Variants in SPATA16 observed in about 807,000 individuals in gnomAD.
SPATA16 encodes the protein spermatogenesis-associated protein 16.
A neutral mutation model predicts 63.3 loss-of-function variants in SPATA16; 36 were observed. The ratio of observed to expected loss-of-function variants is 0.57; its 90% CI spans 0.44 to 0.75. The LOEUF (loss-of-function observed/expected upper bound fraction) is 0.75, where lower values mean the gene tolerates loss of function less well. Among genes scored for constraint, SPATA16 ranks in the 30% least tolerant of loss-of-function variants. The pLI is 0.00. For synonymous variants in SPATA16, 203 were observed against 216.7 expected, an observed-to-expected ratio of 0.94 and a Z score of 0.56; for missense variants, 646 against 679.3, an observed-to-expected ratio of 0.95 and a Z score of 0.54.
intron 3 of SPATA16, among the ~76,000 whole-genome samples, chr3:173,027,919 T>C (rs1735488643): frequency 1.3e-5 from 2 of 151,184 alleles, no homozygotes; most frequent in Non-Finnish European, 1.5e-5. Context: ...CTACCCCAGG[T>C]ACTTTAGACT....
At chr3:172,934,977 G>C (rs1732947438) in intron 6 of SPATA16, among the ~76,000 whole-genome samples, 1 of 151,990 alleles carries the variant, frequency 6.6e-6, no homozygotes, top group Non-Finnish European at 1.5e-5. Flanking sequence ...TACGGCTTTG[G>C]AACTTTAGGA....
At chr3:172,972,330 A>G (rs552534009) in intron 5 of SPATA16, among the ~76,000 whole-genome samples, 6 of 152,154 alleles carry the variant, frequency 3.9e-5, no homozygotes, top group Non-Finnish European at 8.8e-5. Flanking sequence ...AACAATCTCA[A>G]AAGAGGTCTT....
chr3:173,054,362 C>G (rs952729267), intron 2 of SPATA16, among the ~76,000 whole-genome samples: 6 of 152,194 alleles, frequency 3.9e-5, no homozygotes, highest in Admixed American at 2.0e-4. Context: ...CAATTTACAA[C>G]AGCAAAGACA....
intron 4 of SPATA16, among the ~76,000 whole-genome samples, chr3:172,980,257 C>G (rs1436037599): frequency 1.3e-5 from 2 of 152,206 alleles, no homozygotes; most frequent in South Asian, 4.1e-4. Flanking sequence ...CATAAGGAGT[C>G]AAGTACCATG....
At chr3:172,949,899 TG>T (rs974628886) in intron 6 of SPATA16, among the ~76,000 whole-genome samples, 41 of 152,248 alleles carry the variant, frequency 2.7e-4, no homozygotes, top group African/African-American at 9.4e-4. Context: ...TGTGAATGTT[TG>T]TGTTTATGTA....
At chr3:173,130,488 T>C (rs1473711204) in intron 1 of SPATA16, among the ~76,000 whole-genome samples, 1 of 152,056 alleles carries the variant, frequency 6.6e-6, no homozygotes, top group Non-Finnish European at 1.5e-5. Context: ...CCCTACACTG[T>C]CCTTCCTTTT....
At chr3:173,140,544 G>C (rs1738684124) in intron 1 of SPATA16, among the ~76,000 whole-genome samples, 4 of 152,116 alleles carry the variant, frequency 2.6e-5, no homozygotes, top group Admixed American at 2.6e-4. Flanking sequence ...TGATGACATG[G>C]TCTATGTCTT....
At chr3:172,944,105 A>G (rs1733224868) in intron 6 of SPATA16, among the ~76,000 whole-genome samples, 1 of 152,250 alleles carries the variant, frequency 6.6e-6, no homozygotes, top group Non-Finnish European at 1.5e-5. Context: ...TTTGCAAATC[A>G]TACATCTGAC....
At chr3:172,999,350 T>C (rs1734763759) in intron 4 of SPATA16, among the ~76,000 whole-genome samples, 1 of 152,168 alleles carries the variant, frequency 6.6e-6, no homozygotes, top group Admixed American at 6.6e-5. Flanking sequence ...ATTACTTTAT[T>C]ATACTTTCAA....
intron 6 of SPATA16, among the ~76,000 whole-genome samples, chr3:172,929,298 T>C (rs1460145824): frequency 1.3e-5 from 2 of 152,224 alleles, no homozygotes; most frequent in African/African-American, 4.8e-5. Flanking sequence ...GTGGATGCTT[T>C]AGAAAATAAT....
chr3:172,907,368 C>T (rs982179928), intron 10 of SPATA16, among the ~76,000 whole-genome samples: 12 of 152,226 alleles, frequency 7.9e-5, no homozygotes, highest in African/African-American at 2.9e-4. Flanking sequence ...TTATTGCTCT[C>T]ACTGCAATAA....
chr3:172,937,564 C>G (rs1733034564), intron 6 of SPATA16, among the ~76,000 whole-genome samples: 1 of 152,048 alleles, frequency 6.6e-6, no homozygotes, highest in African/African-American at 2.4e-5. Context: ...CCCAAAGTCT[C>G]TCAAGGGAGG....
chr3:172,960,949 C>T (rs911898766), intron 5 of SPATA16, among the ~76,000 whole-genome samples: 4 of 142,140 alleles, frequency 2.8e-5, no homozygotes, highest in African/African-American at 8.1e-5. Context: ...CTCTCTTCCC[C>T]CCTCCCTCTC....
intron 3 of SPATA16, among the ~76,000 whole-genome samples, chr3:173,027,915 C>A (rs1234717936): frequency 4.0e-5 from 6 of 149,994 alleles, no homozygotes; most frequent in African/African-American, 1.5e-4. Flanking sequence ...ATCACTACCC[C>A]AGGTACTTTA....
chr3:172,922,173 A>G (rs1732627417), intron 8 of SPATA16, among the ~76,000 whole-genome samples: 1 of 152,230 alleles, frequency 6.6e-6, no homozygotes, highest in African/African-American at 2.4e-5. Context: ...AAATAATAAG[A>G]AACCTAGTAC....
chr3:173,028,769 A>G (rs1036906438), intron 3 of SPATA16, among the ~76,000 whole-genome samples: 1 of 152,020 alleles, frequency 6.6e-6, no homozygotes, highest in Non-Finnish European at 1.5e-5. Context: ...TTTTCAAATA[A>G]CAAGTGATGT....
At chr3:173,105,376 C>T (rs1018135153) in intron 2 of SPATA16, among the ~76,000 whole-genome samples, 1 of 152,158 alleles carries the variant, frequency 6.6e-6, no homozygotes, top group Non-Finnish European at 1.5e-5. Flanking sequence ...AGACCCTTGA[C>T]AGTCAAACAG....
chr3:172,994,030 G>A (rs1734642458), intron 4 of SPATA16, among the ~76,000 whole-genome samples: 1 of 152,150 alleles, frequency 6.6e-6, no homozygotes, highest in Non-Finnish European at 1.5e-5. Flanking sequence ...TCATTACAGA[G>A]TCTGGGTCAC....
intron 4 of SPATA16, among the ~76,000 whole-genome samples, chr3:173,000,581 C>T (rs1053591968): frequency 2.6e-5 from 4 of 152,118 alleles, no homozygotes; most frequent in African/African-American, 9.7e-5. Flanking sequence ...TGGTGTCTGA[C>T]ACTAATTTAA....
Sources: allele counts gnomAD v4.1 joint callset (sites outside exome capture counted in the v4.1 genomes callset), GRCh38; gene constraint gnomAD v4.1.1; transcripts MANE v1.5; gene names NCBI Gene and HGNC (gene_info 2026-07-23, HGNC 2026-07-21).